Variants in SEMA3A observed in about 807,000 individuals in gnomAD.
SEMA3A encodes the protein semaphorin 3A, also known as semaphorin-3A.
Under a neutral mutation model 97.9 loss-of-function variants are expected in SEMA3A, and 29 were observed. The observed-to-expected ratio is 0.30, with a 90% CI of 0.22 to 0.40. The LOEUF (loss-of-function observed/expected upper bound fraction) is 0.40, where lower values mean the gene tolerates loss of function less well. Ranked by LOEUF, SEMA3A falls within the 10% of genes least tolerant of loss-of-function variation. The pLI is 1.00. For missense variants in SEMA3A, 763 were observed against 951.3 expected (o/e 0.80, Z 2.60); for synonymous variants, 321 against 323.7 (o/e 0.99, Z 0.09).
At position 84,070,249 on chromosome 7, in the gene SEMA3A, G is replaced by A. The variant is rs550478326; in HGVS notation, c.454-9691C>T. On this transcript the variant is annotated intron_variant, in intron 4 of 16. Transcript: ENST00000265362. ...TATATTTTATTACATGATTGCATCA[G>A]TTTTCAACGACTGTTTTTAGCTTTC... 3.3e-5 allele frequency among the ~76,000 whole-genome samples: 5 copies of A among 152,238 alleles called. No individual in the cohort carries two copies. In the East Asian group the frequency reaches 9.7e-4, roughly 29 times the overall value.
upstream of SEMA3A, among the ~76,000 whole-genome samples, chr7:84,198,877 A>G (rs1431213471): frequency 1.3e-5 from 2 of 152,184 alleles, no homozygotes; most frequent in Non-Finnish European, 2.9e-5. Context: ...AACACTTCCC[A>G]TTTCACAACA....
intron 3 of SEMA3A, among the ~76,000 whole-genome samples, chr7:84,250,267 A>G (rs778030579): frequency 7.3e-5 from 11 of 150,048 alleles, no homozygotes; most frequent in Non-Finnish European, 1.6e-4. Context: ...TTTTTTTTTC[A>G]TCTGTGGTTT....
intron 3 of SEMA3A, among the ~76,000 whole-genome samples, chr7:84,272,068 C>T (rs1800165961): frequency 6.6e-6 from 1 of 151,902 alleles, no homozygotes. Flanking sequence ...TGTCTAGCGC[C>T]TTGCCTGGCA....
intron 3 of SEMA3A, among the ~76,000 whole-genome samples, chr7:84,231,952 A>T (rs1028848230): frequency 6.6e-6 from 1 of 151,826 alleles, no homozygotes; most frequent in African/African-American, 2.4e-5. Flanking sequence ...TTAGAGTAGA[A>T]GGAGAGAGAG....
At chr7:84,231,206 A>C (rs1344758577) in intron 3 of SEMA3A, among the ~76,000 whole-genome samples, 7 of 151,994 alleles carry the variant, frequency 4.6e-5, no homozygotes, top group African/African-American at 1.7e-4. Flanking sequence ...ATGGGTTTAA[A>C]GTTATCCTGT....
chr7:84,002,507 A>G (rs955148912), intron 11 of SEMA3A, among the ~76,000 whole-genome samples: 7 of 152,174 alleles, frequency 4.6e-5, no homozygotes, highest in Non-Finnish European at 1.0e-4. Flanking sequence ...TACTATGAAG[A>G]CTAAATATAA....
intron 3 of SEMA3A, among the ~76,000 whole-genome samples, chr7:84,281,227 A>C (rs947265854): frequency 6.6e-6 from 1 of 151,952 alleles, no homozygotes; most frequent in Non-Finnish European, 1.5e-5. Context: ...CGGCCTCCTT[A>C]CTCCTCAGTT....
chr7:84,158,704 G>A (rs1425183059), intron 1 of SEMA3A, among the ~76,000 whole-genome samples: 2 of 152,104 alleles, frequency 1.3e-5, no homozygotes, highest in Admixed American at 6.5e-5. Context: ...CACACTGTCA[G>A]TGCTCAGAAG....
intron 3 of SEMA3A, among the ~76,000 whole-genome samples, chr7:84,219,840 C>T (rs781315184): frequency 1.3e-5 from 2 of 152,096 alleles, no homozygotes; most frequent in African/African-American, 4.8e-5. Context: ...TTTTCTAAAC[C>T]GCATGAACCA....
At chr7:84,288,012 A>T (rs1800634799) in intron 3 of SEMA3A, among the ~76,000 whole-genome samples, 1 of 152,204 alleles carries the variant, frequency 6.6e-6, no homozygotes. Context: ...CCACATGTAG[A>T]TACAATGTGT....
At chr7:84,290,326 C>T (rs1346672313) in intron 3 of SEMA3A, among the ~76,000 whole-genome samples, 1 of 152,058 alleles carries the variant, frequency 6.6e-6, no homozygotes, top group Non-Finnish European at 1.5e-5. Context: ...CTTGGCTCAT[C>T]TAGAATCCGA....
chr7:84,143,941 T>A (rs1297612452), intron 1 of SEMA3A, among the ~76,000 whole-genome samples: 14 of 141,052 alleles, frequency 9.9e-5, no homozygotes, highest in South Asian at 7.0e-4. Flanking sequence ...TCTCTCTCTC[T>A]CTCTCTCTAA....
At chr7:84,111,341 G>A (rs1289479603) in intron 3 of SEMA3A, among the ~76,000 whole-genome samples, 1 of 152,140 alleles carries the variant, frequency 6.6e-6, no homozygotes, top group Non-Finnish European at 1.5e-5. Context: ...CATTCTCTAT[G>A]ACTTGCCACT....
At chr7:84,123,716 T>TAC (rs1322902403) in intron 3 of SEMA3A, among the ~76,000 whole-genome samples, 3 of 148,142 alleles carry the variant, frequency 2.0e-5, no homozygotes, top group African/African-American at 7.4e-5. Flanking sequence ...TTTATATATA[T>TAC]CAGATAAAAT....
At chr7:84,325,372 G>C (rs1459550671) in intron 2 of SEMA3A, among the ~76,000 whole-genome samples, 1 of 152,130 alleles carries the variant, frequency 6.6e-6, no homozygotes, top group African/African-American at 2.4e-5. Context: ...GAGTGGTGCT[G>C]TTTTAGATCG....
intron 1 of SEMA3A, among the ~76,000 whole-genome samples, chr7:84,452,096 C>T (rs1366444533): frequency 6.6e-6 from 1 of 151,996 alleles, no homozygotes; most frequent in Non-Finnish European, 1.5e-5. Context: ...GCTTTAACAT[C>T]CATTTTTTTA....
intron 1 of SEMA3A, among the ~76,000 whole-genome samples, chr7:84,390,663 T>A (rs1803516776): frequency 6.6e-6 from 1 of 152,078 alleles, no homozygotes; most frequent in African/African-American, 2.4e-5. Context: ...ATTGGATTGA[T>A]ACACATACCT....
chr7:84,240,135 T>C (rs955997068), intron 3 of SEMA3A, among the ~76,000 whole-genome samples: 6 of 152,074 alleles, frequency 3.9e-5, no homozygotes, highest in South Asian at 2.1e-4. Flanking sequence ...CCAAAACTAG[T>C]CTATAGTATA....
chr7:84,035,164 A>C (rs1791896076), intron 6 of SEMA3A, among the ~76,000 whole-genome samples: 1 of 152,112 alleles, frequency 6.6e-6, no homozygotes, highest in South Asian at 2.1e-4. Flanking sequence ...CAACAAAGAA[A>C]ATATATTTCC....
Sources: gnomAD v4.1 joint callset for allele counts (sites outside exome capture counted in the v4.1 genomes callset) on GRCh38, gnomAD v4.1.1 for gene constraint, MANE v1.5 for transcripts, NCBI Gene and HGNC (gene_info 2026-07-23, HGNC 2026-07-21) for gene names.